Variants in CSMD1 observed in about 807,000 individuals in gnomAD.
CSMD1 encodes the protein CUB and Sushi multiple domains 1.
Under a neutral mutation model 417.5 loss-of-function variants are expected in CSMD1, and 213 were observed. That is an observed-to-expected ratio of 0.51 (90% CI 0.46 to 0.57). CSMD1 has a LOEUF of 0.57. Among genes scored for constraint, CSMD1 ranks in the 20% least tolerant of loss-of-function variants. CSMD1 has a pLI of 0.00. For missense variants in CSMD1, 6,923 were observed against 4,529.7 expected, an observed-to-expected ratio of 1.53 and a Z score of -15.17; for synonymous variants, 2,862 against 1,736.8, an observed-to-expected ratio of 1.65 and a Z score of -16.11.
At position 4,030,958 on chromosome 8, in the gene CSMD1, G is replaced by A. The variant is rs552200151; in HGVS notation, c.610+947C>T. On this transcript the variant is annotated intron_variant, in intron 4 of 69. Transcript: ENST00000635120. ...CAGTCTTTTTGCTAAAACGTAACAA[G>A]AATCACCTTTGGTCCAGTTATGAAC... Among the ~76,000 whole-genome samples, 9 of 152,218 alleles carry A rather than the reference G, an allele frequency of 5.9e-5. No individual in the cohort carries two copies. In the East Asian group the frequency reaches 1.7e-3, roughly 30 times the overall value.
intron 3 of CSMD1, among the ~76,000 whole-genome samples, chr8:4,395,727 C>T (rs7841746): frequency 0.03 from 4,588 of 152,026 alleles, 218 homozygotes; most frequent in African/African-American, 0.11. Flanking sequence ...AAATTAGCAG[C>T]TACAAATGTT....
chr8:3,718,725 T>C (rs1017558912), intron 6 of CSMD1, among the ~76,000 whole-genome samples: 5 of 152,176 alleles, frequency 3.3e-5, no homozygotes, highest in Admixed American at 2.6e-4. Context: ...CATAAGATGC[T>C]TTACTGGAAG....
chr8:4,352,802 C>T (rs935758061), intron 3 of CSMD1, among the ~76,000 whole-genome samples: 5 of 152,184 alleles, frequency 3.3e-5, no homozygotes, highest in African/African-American at 1.2e-4. Flanking sequence ...ATGGCTGTTG[C>T]CGTCCATTTC....
chr8:3,271,649 T>G (rs1375537523), intron 26 of CSMD1, among the ~76,000 whole-genome samples: 4 of 152,234 alleles, frequency 2.6e-5, no homozygotes, highest in Non-Finnish European at 5.9e-5. Flanking sequence ...TATCTCATTG[T>G]GGTTTTCAAT....
intron 10 of CSMD1, among the ~76,000 whole-genome samples, chr8:3,566,552 A>T (rs1217912105): frequency 6.6e-6 from 1 of 151,130 alleles, no homozygotes; most frequent in Non-Finnish European, 1.5e-5. Flanking sequence ...TCCATAGAGG[A>T]TGTGAAGGTT....
At chr8:4,717,339 G>GTATATATATA (rs1808731328) in intron 1 of CSMD1, among the ~76,000 whole-genome samples, 2 of 64,084 alleles carry the variant, frequency 3.1e-5, no homozygotes, top group African/African-American at 1.6e-4. Context: ...ACACACACAC[G>GTATATATATA]TATATATACA....
intron 54 of CSMD1, among the ~76,000 whole-genome samples, chr8:2,993,732 A>G (rs1806616993): frequency 6.6e-6 from 1 of 152,170 alleles, no homozygotes; most frequent in Non-Finnish European, 1.5e-5. Flanking sequence ...GCGTGGCTAA[A>G]GTTTTAGGAC....
At chr8:3,714,762 AT>A (rs1481593006) in intron 6 of CSMD1, among the ~76,000 whole-genome samples, 11 of 151,886 alleles carry the variant, frequency 7.2e-5, no homozygotes, top group African/African-American at 2.7e-4. Flanking sequence ...CAACACAAGA[AT>A]TTTTTTAATG....
At chr8:4,978,781 T>C (rs1810708343) in intron 1 of CSMD1, among the ~76,000 whole-genome samples, 1 of 151,990 alleles carries the variant, frequency 6.6e-6, no homozygotes, top group Non-Finnish European at 1.5e-5. Context: ...CCACTAAAAA[T>C]ACAAAAATTA....
chr8:4,494,780 T>C (rs993768647), intron 2 of CSMD1, among the ~76,000 whole-genome samples: 1 of 152,202 alleles, frequency 6.6e-6, no homozygotes, highest in Admixed American at 6.5e-5. Context: ...ATCATGATTA[T>C]ATCTTTCTAT....
At chr8:4,289,476 G>A (rs577052331) in intron 3 of CSMD1, among the ~76,000 whole-genome samples, 1 of 152,190 alleles carries the variant, frequency 6.6e-6, no homozygotes, top group Non-Finnish European at 1.5e-5. Context: ...GTAGTAGCCA[G>A]ATTTGGACCA....
chr8:3,070,400 C>G (rs906436973), intron 49 of CSMD1, among the ~76,000 whole-genome samples: 1 of 152,184 alleles, frequency 6.6e-6, no homozygotes, highest in Non-Finnish European at 1.5e-5. Context: ...AACTTTAAGT[C>G]ATTTATTTGC....
At chr8:4,060,372 G>C (rs1332524264) in intron 3 of CSMD1, among the ~76,000 whole-genome samples, 4 of 152,168 alleles carry the variant, frequency 2.6e-5, no homozygotes, top group African/African-American at 7.2e-5. Flanking sequence ...CATTCCCTTT[G>C]CAAACTGGCA....
At chr8:3,996,402 A>C (rs910919717) in intron 5 of CSMD1, among the ~76,000 whole-genome samples, 1 of 152,072 alleles carries the variant, frequency 6.6e-6, no homozygotes, top group Non-Finnish European at 1.5e-5. Flanking sequence ...TGATTAGTAG[A>C]GCATATGTAC....
chr8:3,075,824 A>T (rs1438451547), intron 49 of CSMD1, among the ~76,000 whole-genome samples: 1 of 151,342 alleles, frequency 6.6e-6, no homozygotes, highest in Non-Finnish European at 1.5e-5. Flanking sequence ...GGTGGATCAC[A>T]AGGTCAGGAG....
chr8:4,087,859 C>T (rs895703249), intron 3 of CSMD1, among the ~76,000 whole-genome samples: 18 of 152,008 alleles, frequency 1.2e-4, no homozygotes, highest in Admixed American at 1.1e-3. Context: ...CTTACGTGAC[C>T]TAGGTGAATT....
At chr8:4,531,856 C>G (rs984507030) in intron 2 of CSMD1, among the ~76,000 whole-genome samples, 1 of 151,944 alleles carries the variant, frequency 6.6e-6, no homozygotes, top group Admixed American at 6.6e-5. Flanking sequence ...AATCCTGCAC[C>G]GCATTCAGTC....
chr8:4,808,153 G>C (rs532939018), intron 1 of CSMD1, among the ~76,000 whole-genome samples: 1 of 152,140 alleles, frequency 6.6e-6, no homozygotes, highest in African/African-American at 2.4e-5. Context: ...CCACGATTCC[G>C]GCGGTGTGGA....
chr8:4,379,259 T>G (rs777594026), intron 3 of CSMD1, among the ~76,000 whole-genome samples: 1 of 152,244 alleles, frequency 6.6e-6, no homozygotes, highest in Non-Finnish European at 1.5e-5. Flanking sequence ...TGGGACTTTT[T>G]AAAAAATAGG....
Sources: gnomAD v4.1 joint callset for allele counts (sites outside exome capture counted in the v4.1 genomes callset) on GRCh38, gnomAD v4.1.1 for gene constraint, MANE v1.5 for transcripts, NCBI Gene and HGNC (gene_info 2026-07-23, HGNC 2026-07-21) for gene names.